The following STX12 variants were observed in gnomAD, a reference collection of about 807,000 sequenced individuals.
STX12 encodes syntaxin-12.
STX12 carries 17 observed loss-of-function variants against 42.2 expected under a neutral mutation model. That is an observed-to-expected ratio of 0.40 (90% CI 0.28 to 0.60). The LOEUF (loss-of-function observed/expected upper bound fraction) is 0.60, where lower values mean the gene tolerates loss of function less well. Among genes scored for constraint, STX12 ranks in the 20% least tolerant of loss-of-function variants. STX12 has a pLI of 0.39. For missense variants in STX12, 297 were observed against 330.9 expected (o/e 0.90, Z 0.79); for synonymous variants, 108 against 116.7 (o/e 0.93, Z 0.48).
intron 4 of STX12, among the ~76,000 whole-genome samples, chr1:27,808,210 T>A (rs1485823838): frequency 6.6e-6 from 1 of 152,042 alleles, no homozygotes; most frequent in Non-Finnish European, 1.5e-5. Context: ...TGGATAGAAA[T>A]TTGAAATTCT....
chr1:27,773,527 C>A, intron 1 of STX12, 102 bp downstream of exon 1: 1 of 1,067,978 alleles, frequency 9.4e-7, no homozygotes, highest in Non-Finnish European at 1.4e-6. Flanking sequence ...GCCGAGGCCA[C>A]ACCTGGGGCT....
intron 8 of STX12, among the ~76,000 whole-genome samples, chr1:27,821,147 C>T (rs2088980810): frequency 6.7e-6 from 1 of 149,770 alleles, no homozygotes; most frequent in Non-Finnish European, 1.5e-5. Flanking sequence ...TGCACATGTA[C>T]CCTAAAACTT....
intron 6 of STX12, among the ~76,000 whole-genome samples, chr1:27,816,990 G>A (rs2088947967): frequency 6.8e-6 from 1 of 146,694 alleles, no homozygotes; most frequent in Admixed American, 6.8e-5. Flanking sequence ...AAGGAAGGAA[G>A]GGGAGGGAGG....
rs143831898 is a variant in STX12 at position 27,815,360 on chromosome 1, T to C, written c.577-2491T>C. On this transcript the variant is annotated intron_variant, in intron 6 of 8. Transcript: ENST00000373943. ...CCTTAGCCTAGGTTCAATTTTCGTA[T>C]CTAGTAATTTCCAAACTCTGACATA... is the stretch of plus-strand genomic sequence containing the variant. 3.3e-3 allele frequency among the ~76,000 whole-genome samples: 505 copies of C among 152,266 alleles called. 4 individuals are homozygous for C. The highest frequency in any genetic ancestry group is 0.011 in the African/African-American group (477 of 41,560).
At chr1:27,818,524 A>T (rs2088959612) in intron 7 of STX12, among the ~76,000 whole-genome samples, 1 of 152,190 alleles carries the variant, frequency 6.6e-6, no homozygotes. Context: ...ATGAGGCCTC[A>T]TGAATACTCA....
intron 1 of STX12, 108 bp from the exon 2 acceptor site, chr1:27,789,454 G>A (rs1306153471): frequency 1.4e-6 from 1 of 733,840 alleles, no homozygotes; most frequent in African/African-American, 1.8e-5. Context: ...TTAGTTGCAT[G>A]TATTAATACT....
chr1:27,805,049 C>T (rs2088854241), intron 4 of STX12, among the ~76,000 whole-genome samples: 1 of 152,068 alleles, frequency 6.6e-6, no homozygotes, highest in South Asian at 2.1e-4. Flanking sequence ...TGTGAGAACT[C>T]AGTCACTATC....
intron 1 of STX12, among the ~76,000 whole-genome samples, chr1:27,783,239 G>T (rs1465128771): frequency 3.3e-5 from 5 of 152,154 alleles, no homozygotes; most frequent in Admixed American, 2.6e-4. Context: ...AAATTGATTT[G>T]CTTCATACTC....
Position 27,801,809 on chromosome 1 carries a change from T to A in STX12, c.420T>A (p.Arg140=). Residue 140 remains arginine, a synonymous_variant, in exon 4 of 9, where the codon CGT becomes CGA. Coordinates refer to ENST00000373943, the MANE Select transcript of STX12 (RefSeq NM_177424.3). ...TTGCCAGAGCAAGAGCTGGATCTCG[T>A]CTTTCTGTAAGTTGATTCCCAAAAG... ...ESIARARAGS[R]LSAEERQREE... 6.3e-7 allele frequency: 1 copy of A among 1,579,014 alleles called. No individual in the cohort carries two copies. The highest frequency in any genetic ancestry group is 8.6e-7 in the Non-Finnish European group (1 of 1,168,942).
intron 1 of STX12, among the ~76,000 whole-genome samples, chr1:27,778,529 A>G (rs1440963523): frequency 6.6e-6 from 1 of 152,080 alleles, no homozygotes; most frequent in Non-Finnish European, 1.5e-5. Context: ...TGCCTCTACT[A>G]AAAATCAAAA....
Position 27,819,747 on chromosome 1 carries a change from C to T in STX12, c.732+15C>T. 6.2e-7 allele frequency: 1 copy of T among 1,610,812 alleles called. No individual in the cohort carries two copies. The highest frequency in any genetic ancestry group is 8.5e-7 in the Non-Finnish European group (1 of 1,177,838). ...CTTACTATCAGGTAAAAGCGGGTAC[C>T]AAAGAAAGTCACTCTGTGTTGCAGA... On this transcript the variant is annotated intron_variant, in intron 8 of 8. Coordinates refer to ENST00000373943, the MANE Select transcript of STX12 (RefSeq NM_177424.3).
intron 3 of STX12, among the ~76,000 whole-genome samples, chr1:27,796,458 G>T (rs991301878): frequency 5.3e-5 from 8 of 151,992 alleles, no homozygotes; most frequent in Non-Finnish European, 4.4e-5. Flanking sequence ...GTCGTGGCTC[G>T]CTGTATCACT....
intron 6 of STX12, among the ~76,000 whole-genome samples, chr1:27,815,346 G>C (rs2088934020): frequency 1.3e-5 from 2 of 152,080 alleles, no homozygotes; most frequent in Non-Finnish European, 2.9e-5. Context: ...CTTAGCCTAG[G>C]TTCAATTTTC....
chr1:27,793,275 A>G (rs1161097775), intron 2 of STX12, among the ~76,000 whole-genome samples: 1 of 152,168 alleles, frequency 6.6e-6, no homozygotes, highest in Admixed American at 6.5e-5. Context: ...TTCTCTTCCC[A>G]AAGAGTTAAA....
intron 3 of STX12, among the ~76,000 whole-genome samples, chr1:27,798,427 C>T (rs2088801878): frequency 6.6e-6 from 1 of 151,602 alleles, no homozygotes; most frequent in South Asian, 2.1e-4. Flanking sequence ...GGCGGATCAC[C>T]TGAGGTCAGG....
chr1:27,798,937 G>A (rs2088806885), intron 3 of STX12, among the ~76,000 whole-genome samples: 1 of 148,608 alleles, frequency 6.7e-6, no homozygotes, highest in African/African-American at 2.5e-5. Flanking sequence ...TTGGGTGACA[G>A]AGCAAGACCC....
At chr1:27,793,673 T>C (rs1394657302) in intron 3 of STX12, 41 bp downstream of exon 3, 2 of 1,552,774 alleles carry the variant, frequency 1.3e-6, no homozygotes, top group African/African-American at 1.4e-5. Context: ...GAAAGGACTT[T>C]GTGTTAGTAG....
At chr1:27,779,583 C>A (rs548753812) in intron 1 of STX12, among the ~76,000 whole-genome samples, 5 of 152,058 alleles carry the variant, frequency 3.3e-5, no homozygotes, top group African/African-American at 1.2e-4. Context: ...CCACCTGCCT[C>A]GGCCTCCGAA....
At chr1:27,812,556 C>G (rs1452755778) in intron 6 of STX12, among the ~76,000 whole-genome samples, 1 of 152,042 alleles carries the variant, frequency 6.6e-6, no homozygotes, top group Admixed American at 6.6e-5. Flanking sequence ...ATTCTCCTGC[C>G]TCAGACTCTC....
Sources: allele counts gnomAD v4.1 joint callset (sites outside exome capture counted in the v4.1 genomes callset), GRCh38; gene constraint gnomAD v4.1.1; transcripts MANE v1.5; gene names NCBI Gene and HGNC (gene_info 2026-07-23, HGNC 2026-07-21).